The following BMP1 variants were observed in gnomAD, a reference collection of about 807,000 sequenced individuals.
BMP1 encodes the protein mammalian tolloid protein.
Under a neutral mutation model 116.8 loss-of-function variants are expected in BMP1, and 63 were observed. The observed-to-expected ratio is 0.54, with a 90% CI of 0.44 to 0.67. BMP1 has a LOEUF of 0.67. Ranked by LOEUF, BMP1 falls within the 30% of genes least tolerant of loss-of-function variation. The pLI, the probability that BMP1 is intolerant of heterozygous loss-of-function variation, is 0.00. For missense variants in BMP1, 1,183 were observed against 1,358.9 expected (o/e 0.87, Z 2.04); for synonymous variants, 536 against 533.4 (o/e 1.00, Z -0.07).
intron 16 of BMP1, among the ~76,000 whole-genome samples, chr8:22,205,596 G>C (rs149567349): frequency 6.6e-6 from 1 of 152,124 alleles, no homozygotes; most frequent in East Asian, 1.9e-4. Context: ...GCAACATAGT[G>C]AGACCCCATC....
chr8:22,193,669 G>A (rs1200210373), intron 9 of BMP1, among the ~76,000 whole-genome samples: 3 of 152,102 alleles, frequency 2.0e-5, no homozygotes, highest in Non-Finnish European at 4.4e-5. Context: ...CTGTAGCCCC[G>A]GCTACTTGGG....
In BMP1 at chr8:22,196,797, G is replaced by A. The variant is rs755773074; in HGVS notation, c.1883G>A (p.Arg628His). The A allele has an allele frequency of 3.6e-5, 58 of 1,613,822 alleles. No homozygotes were observed. The highest frequency in any genetic ancestry group is 4.7e-5 in the Non-Finnish European group (56 of 1,179,976). ...CAGCTGGTGGCCCCCACCCAGTACC[G>A]CATCTCCCTGCAGTTTGACTTCTTT... ...IWQLVAPTQY[R>H]ISLQFDFFET... Residue 628 changes from arginine to histidine, a missense_variant, in exon 14 of 20, where the codon CGC becomes CAC. Arg to His is a conservative substitution (Grantham distance 29). This residue lies in a region of BMP1 where 956 missense variants were observed against 1,135.2 expected (regional missense o/e 0.84). Transcript: ENST00000306385.
chr8:22,197,138 G>A (rs1025696246), intron 14 of BMP1, 102 bp from the exon 15 acceptor site: 3 of 1,461,992 alleles, frequency 2.1e-6, no homozygotes, highest in Admixed American at 2.0e-5. Flanking sequence ...GCGTAGCTAA[G>A]TCAAGGCTAA....
chr8:22,201,104 C>G, intron 15 of BMP1: 2 of 1,500,286 alleles, frequency 1.3e-6, no homozygotes, highest in Non-Finnish European at 1.8e-6. Flanking sequence ...TTCTCCTTCT[C>G]TCTCTCGTTT....
At chr8:22,170,389 C>G (rs2131839691) in intron 1 of BMP1, 1 of 152,468 alleles carries the variant, frequency 6.6e-6, no homozygotes, top group South Asian at 2.1e-4. Flanking sequence ...GTTGCATGCT[C>G]TGTGCTGGGG....
chr8:22,177,238 G>A, intron 5 of BMP1, 99 bp downstream of exon 5: 5 of 1,285,422 alleles, frequency 3.9e-6, no homozygotes, highest in Non-Finnish European at 5.3e-6. Flanking sequence ...CCAGCCAGCC[G>A]TCATCGCCTG....
rs779357306 is a variant in BMP1, at chr8:22,194,442, C to T, written c.1298-3C>T. The T allele has an allele frequency of 1.2e-6, 2 of 1,614,046 alleles. No individual in the cohort carries two copies. Among genetic ancestry groups the T allele is most frequent in the Admixed American group, 1.7e-5 (1 of 60,024 alleles). On this transcript the variant is annotated splice_polypyrimidine_tract_variant and splice_region_variant and intron_variant, in intron 10 of 19. Coordinates refer to ENST00000306385, the MANE Select transcript of BMP1 (RefSeq NM_006129.5). This position sits in a 1 kb window ranked among gnomAD's most constrained non-coding sequence, Gnocchi z 4.5. ...CTTCCCACCCCATCCTGTGTCCCCA[C>T]AGCCATCTGCGGGGGTGATGTGAAA...
At chr8:22,211,341 C>T (rs1440860006) in intron 19 of BMP1, among the ~76,000 whole-genome samples, 1 of 152,192 alleles carries the variant, frequency 6.6e-6, no homozygotes, top group East Asian at 1.9e-4. Flanking sequence ...AGGTGGCTTG[C>T]CTGAGACTAC....
At chr8:22,183,287 G>T (rs1828675443) in intron 8 of BMP1, among the ~76,000 whole-genome samples, 1 of 152,288 alleles carries the variant, frequency 6.6e-6, no homozygotes, top group South Asian at 2.1e-4. Flanking sequence ...TGTCTGGTGG[G>T]TGTTGGTAGT....
At chr8:22,200,031 T>C (rs577656524) in intron 15 of BMP1, among the ~76,000 whole-genome samples, 11 of 152,322 alleles carry the variant, frequency 7.2e-5, no homozygotes, top group Non-Finnish European at 1.0e-4. Context: ...GCCAGCTCAG[T>C]GCCAGCAGAC....
intron 16 of BMP1, among the ~76,000 whole-genome samples, chr8:22,203,715 A>G (rs1048152325): frequency 3.9e-5 from 6 of 152,200 alleles, no homozygotes; most frequent in African/African-American, 1.4e-4. Flanking sequence ...ACAAGCAGAA[A>G]CAGAACCGAA....
intron 6 of BMP1, among the ~76,000 whole-genome samples, chr8:22,178,234 G>A (rs1828510905): frequency 6.6e-6 from 1 of 152,236 alleles, no homozygotes; most frequent in African/African-American, 2.4e-5. Context: ...GCAGTGTGGG[G>A]TAGCCCCAAA....
At chr8:22,207,738 G>T (rs1471788735) in intron 18 of BMP1, among the ~76,000 whole-genome samples, 1 of 152,234 alleles carries the variant, frequency 6.6e-6, no homozygotes, top group African/African-American at 2.4e-5. Flanking sequence ...CGATGGACAG[G>T]AGAGGTGAGG....
Position 22,187,328 on chromosome 8 carries a change from A to AATTT in BMP1, c.1078-4704_1078-4701dup, listed in dbSNP as rs919044412. Among the ~76,000 whole-genome samples, 804 of 145,992 alleles carry AATTT rather than the reference A, an allele frequency of 5.5e-3. 6 individuals carry two copies. The highest frequency in any genetic ancestry group is 0.018 in the African/African-American group (700 of 39,458). ...TTTTATTTATTTTAATTAATTAATT[A>AATTT]ATTTATTTATTTATTTATTTTGAGA... On this transcript the variant is annotated intron_variant, in intron 8 of 19. Coordinates refer to ENST00000306385, the MANE Select transcript of BMP1 (RefSeq NM_006129.5).
At chr8:22,201,449 G>A in intron 15 of BMP1, 1 of 1,407,354 alleles carries the variant, frequency 7.1e-7, no homozygotes, top group African/African-American at 1.5e-5. Context: ...TGAAGTAAAA[G>A]AGGGACCCCT....
intron 8 of BMP1, 28 bp downstream of exon 8, chr8:22,180,511 C>G (rs1363315678): frequency 3.2e-6 from 5 of 1,586,522 alleles, no homozygotes; most frequent in African/African-American, 2.7e-5. Flanking sequence ...CTCTGAGCCT[C>G]CCCCTCCCCT....
Position 22,207,470 on chromosome 8 carries a change from A to T in BMP1, c.2529A>T (p.Ser843=), listed in dbSNP as rs767136809. 16 of 1,613,834 alleles carry T rather than the reference A, an allele frequency of 9.9e-6. No individual in the cohort carries two copies. The highest frequency in any genetic ancestry group is 1.2e-5 in the Non-Finnish European group (14 of 1,180,030). Residue 843 remains serine (S), a synonymous_variant, in exon 18 of 20, where the codon TCA becomes TCT. Coordinates refer to ENST00000306385, the MANE Select transcript of BMP1 (RefSeq NM_006129.5). ...GCCGCATGTTCCTGCGCTTCTACTC[A>T]GATAACTCGGTCCAGCGAAAGGGCT... ...TGSRMFLRFY[S]DNSVQRKGFQ... is the part of the protein sequence containing the mutation.
At chr8:22,210,238 TC>T (rs1352331682) in intron 19 of BMP1, among the ~76,000 whole-genome samples, 1 of 152,204 alleles carries the variant, frequency 6.6e-6, no homozygotes, top group Non-Finnish European at 1.5e-5. Context: ...TGCTTCTTGG[TC>T]CATAAAATGG....
intron 8 of BMP1, among the ~76,000 whole-genome samples, chr8:22,186,756 G>A (rs761839465): frequency 6.8e-4 from 103 of 152,152 alleles, no homozygotes; most frequent in Non-Finnish European, 1.1e-3. Context: ...GAGCCCCCAT[G>A]CCTGGCCTGT....
Sources: gnomAD v4.1 joint callset for allele counts (sites outside exome capture counted in the v4.1 genomes callset) on GRCh38, gnomAD v4.1.1 for gene constraint, gnomAD v4.1.1 regional missense constraint, Gnocchi (gnomAD v3.1) non-coding constraint, MANE v1.5 for transcripts, NCBI Gene and HGNC (gene_info 2026-07-23, HGNC 2026-07-21) for gene names.